Variants in CREB5 observed in about 807,000 individuals in gnomAD.
The protein encoded by CREB5 is cyclic AMP-responsive element-binding protein 5.
In CREB5, 19 loss-of-function variants were observed where a neutral mutation model predicts 57.1. That is an observed-to-expected ratio of 0.33 (90% CI 0.23 to 0.49). The LOEUF is 0.49. Among genes scored for constraint, CREB5 ranks in the 20% least tolerant of loss-of-function variants. The pLI is 0.99. For synonymous variants in CREB5, 238 were observed against 238.3 expected (o/e 1.00, Z 0.01); for missense variants, 579 against 671.6 (o/e 0.86, Z 1.52).
At chr7:28,776,109 G>T (rs959221086) in intron 7 of CREB5, among the ~76,000 whole-genome samples, 9 of 152,056 alleles carry the variant, frequency 5.9e-5, no homozygotes, top group African/African-American at 2.2e-4. Flanking sequence ...AGGCCGAGGC[G>T]GGCGGATCAT....
chr7:28,309,522 T>A (rs1785240460), intron 1 of CREB5, among the ~76,000 whole-genome samples: 1 of 152,100 alleles, frequency 6.6e-6, no homozygotes, highest in Non-Finnish European at 1.5e-5. Flanking sequence ...CTGGATGACA[T>A]CCTGCTTAAC....
At chr7:28,744,496 C>T (rs1408702378) in intron 7 of CREB5, among the ~76,000 whole-genome samples, 3 of 151,840 alleles carry the variant, frequency 2.0e-5, no homozygotes, top group Non-Finnish European at 4.4e-5. Flanking sequence ...TACAGGTACA[C>T]ACCACCACGC....
At chr7:28,337,829 A>G (rs10274285) in intron 1 of CREB5, among the ~76,000 whole-genome samples, 1 of 151,962 alleles carries the variant, frequency 6.6e-6, no homozygotes, top group Non-Finnish European at 1.5e-5. Flanking sequence ...CACTGGTGAT[A>G]TGTTTCCATT....
chr7:28,395,530 C>T (rs1232835244), intron 1 of CREB5, among the ~76,000 whole-genome samples: 1 of 152,200 alleles, frequency 6.6e-6, no homozygotes, highest in Admixed American at 6.5e-5. Flanking sequence ...AGGTTCTCCC[C>T]TACTCCTTTC....
intron 5 of CREB5, among the ~76,000 whole-genome samples, chr7:28,689,444 G>T (rs1801130501): frequency 1.3e-5 from 2 of 152,064 alleles, no homozygotes; most frequent in Admixed American, 1.3e-4. Flanking sequence ...CTCCAGCCTG[G>T]GCGACAAAGC....
intron 1 of CREB5, among the ~76,000 whole-genome samples, chr7:28,460,408 T>C (rs1790302067): frequency 6.6e-6 from 1 of 152,182 alleles, no homozygotes; most frequent in Non-Finnish European, 1.5e-5. Flanking sequence ...AATTTACAGA[T>C]GAGGAAACTG....
intron 1 of CREB5, among the ~76,000 whole-genome samples, chr7:28,328,807 G>A (rs1365967557): frequency 2.6e-5 from 4 of 152,124 alleles, no homozygotes; most frequent in Non-Finnish European, 5.9e-5. Flanking sequence ...ATTCACAAGC[G>A]GCTGGCAAAA....
chr7:28,706,820 G>A (rs759402583), intron 5 of CREB5, among the ~76,000 whole-genome samples: 1 of 152,144 alleles, frequency 6.6e-6, no homozygotes, highest in South Asian at 2.1e-4. Context: ...GTGGTAGCTT[G>A]ACTGTCCCTA....
intron 4 of CREB5, among the ~76,000 whole-genome samples, chr7:28,552,990 G>A (rs10951200): frequency 0.35 from 52,530 of 152,040 alleles, 9,510 homozygotes; most frequent in Middle Eastern, 0.4. Context: ...GTCTCTGAGC[G>A]TGGTGGGCGC....
At position 28,512,117 on chromosome 7, in the gene CREB5, G is replaced by T. The variant is rs78561023; in HGVS notation, c.291+4380G>T. On this transcript the variant is annotated intron_variant, in intron 4 of 10. Coordinates refer to ENST00000357727, the MANE Select transcript of CREB5 (RefSeq NM_182898.4). ...GATGGGATTGCCTGTGGGAGGAGTG[G>T]GTTTAAGGGGAAAATTGGGGGTTTC... Among the ~76,000 whole-genome samples the T allele has an allele frequency of 2.3e-3, 353 of 152,304 alleles. 1 individual carries two copies. The highest frequency in any genetic ancestry group is 5.1e-3 in the Admixed American group (78 of 15,292).
chr7:28,721,419 G>A (rs553603223), intron 6 of CREB5, among the ~76,000 whole-genome samples: 1 of 152,238 alleles, frequency 6.6e-6, no homozygotes, highest in South Asian at 2.1e-4. Flanking sequence ...AGAAACCTAG[G>A]CCCTTTCTTC....
chr7:28,702,792 C>CT (rs1455528719), intron 5 of CREB5, among the ~76,000 whole-genome samples: 2 of 152,158 alleles, frequency 1.3e-5, no homozygotes, highest in Admixed American at 6.5e-5. Context: ...TAGATTTGGC[C>CT]TTTAATTTGG....
intron 1 of CREB5, among the ~76,000 whole-genome samples, chr7:28,399,770 G>A (rs42701): frequency 0.63 from 95,506 of 151,944 alleles, 30,077 homozygotes; most frequent in African/African-American, 0.66. Flanking sequence ...AAATTAAAAA[G>A]TACAGCTGGG....
At chr7:28,529,638 T>C (rs1467317082) in intron 4 of CREB5, among the ~76,000 whole-genome samples, 1 of 152,218 alleles carries the variant, frequency 6.6e-6, no homozygotes, top group Non-Finnish European at 1.5e-5. Context: ...GTCTCTCTTC[T>C]TCCCAACCTG....
At chr7:28,691,144 G>C (rs1015022679) in intron 5 of CREB5, among the ~76,000 whole-genome samples, 1 of 152,168 alleles carries the variant, frequency 6.6e-6, no homozygotes, top group East Asian at 1.9e-4. Flanking sequence ...TGTAGGCCAG[G>C]CGTGGTGACT....
At chr7:28,500,401 C>T (rs7807102) in intron 3 of CREB5, among the ~76,000 whole-genome samples, 34,797 of 152,066 alleles carry the variant, frequency 0.23, 4,566 homozygotes, top group African/African-American at 0.36. Context: ...CTTGAGCTGA[C>T]GCTGAAGAGA....
intron 1 of CREB5, among the ~76,000 whole-genome samples, chr7:28,388,450 A>G (rs187080151): frequency 6.6e-6 from 1 of 152,272 alleles, no homozygotes; most frequent in East Asian, 1.9e-4. Context: ...CAAGATTGGC[A>G]GATGCCTACA....
At chr7:28,657,007 G>A (rs1799357598) in intron 5 of CREB5, among the ~76,000 whole-genome samples, 1 of 152,102 alleles carries the variant, frequency 6.6e-6, no homozygotes, top group African/African-American at 2.4e-5. Context: ...TAAGGAAAAA[G>A]AGGGACTTTC....
intron 1 of CREB5, among the ~76,000 whole-genome samples, chr7:28,400,734 C>A (rs991021403): frequency 1.3e-5 from 2 of 152,086 alleles, no homozygotes; most frequent in South Asian, 4.1e-4. Context: ...GGTTTAAAAG[C>A]TACTGAAATT....
Sources: allele counts gnomAD v4.1 joint callset (sites outside exome capture counted in the v4.1 genomes callset), GRCh38; gene constraint gnomAD v4.1.1; transcripts MANE v1.5; gene names NCBI Gene and HGNC (gene_info 2026-07-23, HGNC 2026-07-21).